The following ANKHD1 variants were observed in gnomAD, a reference collection of about 807,000 sequenced individuals.
The protein encoded by ANKHD1 is ankyrin repeat and KH domain containing 1.
ANKHD1 carries 31 observed loss-of-function variants against 230.5 expected under a neutral mutation model. The ratio of observed to expected loss-of-function variants is 0.13; its 90% confidence interval spans 0.10 to 0.18. The LOEUF is 0.18. ANKHD1 is among the 10% of genes least tolerant of loss of function. ANKHD1 has a pLI of 1.00. For synonymous variants in ANKHD1, 1,074 were observed against 1,117.6 expected, an observed-to-expected ratio of 0.96 and a Z score of 0.78; for missense variants, 2,256 against 3,071.3, an observed-to-expected ratio of 0.73 and a Z score of 6.27.
chr5:140,485,582 T>G lies in ANKHD1; in HGVS notation c.1999-7T>G. ...AAGAATTAATTATCATGGCAATTCT[T>G]TTTCAGGATGGTTCAACAATGCTCA... On this transcript the variant is annotated splice_region_variant and splice_polypyrimidine_tract_variant and intron_variant, in intron 12 of 33. Coordinates refer to ENST00000360839, the MANE Select transcript of ANKHD1 (RefSeq NM_017747.3). This position sits in a 1 kb window ranked among gnomAD's most constrained non-coding sequence, Gnocchi z 4.8. 2 of 1,611,376 alleles carry G rather than the reference T, an allele frequency of 1.2e-6. No homozygotes were observed. The highest frequency in any genetic ancestry group is 1.7e-6 in the Non-Finnish European group (2 of 1,179,300).
chr5:140,518,852 A>G (rs1240399788), intron 24 of ANKHD1, among the ~76,000 whole-genome samples: 1 of 152,230 alleles, frequency 6.6e-6, no homozygotes, highest in Non-Finnish European at 1.5e-5. Flanking sequence ...AAAAACTGGA[A>G]GCGTTCCCTT....
rs114542939 is a variant in ANKHD1, at chr5:140,481,499, A to G, written c.1783-1081A>G. On this transcript the variant is annotated intron_variant, in intron 10 of 33. Coordinates refer to ENST00000360839, the MANE Select transcript of ANKHD1 (RefSeq NM_017747.3). Reference sequence around the variant, plus strand: ...ACTGTCAAGATTTTTTTTTAAACCTATTTTAGGGAGGAATTCCTATCACTT... The same window carrying G: ...ACTGTCAAGATTTTTTTTTAAACCTGTTTTAGGGAGGAATTCCTATCACTT... Among the ~76,000 whole-genome samples the G allele has an allele frequency of 3.7e-3, 559 of 152,050 alleles. 7 individuals carry two copies. The highest frequency in any genetic ancestry group is 0.013 in the African/African-American group (545 of 41,522).
intron 24 of ANKHD1, among the ~76,000 whole-genome samples, chr5:140,515,343 G>A (rs983981179): frequency 6.6e-6 from 1 of 151,960 alleles, no homozygotes; most frequent in African/African-American, 2.4e-5. Flanking sequence ...TTTTAACATT[G>A]GTCTGTGAAG....
chr5:140,483,655 CCAT>C (rs915652360), intron 11 of ANKHD1, among the ~76,000 whole-genome samples: 19 of 152,040 alleles, frequency 1.2e-4, no homozygotes, highest in African/African-American at 3.4e-4. Context: ...CAGGGTTTTA[CCAT>C]GGTTTGCCAG....
intron 24 of ANKHD1, among the ~76,000 whole-genome samples, chr5:140,518,813 C>A (rs954419732): frequency 5.3e-5 from 8 of 152,214 alleles, no homozygotes; most frequent in South Asian, 2.1e-4. Context: ...TCTATGACAA[C>A]CCCACAGCCA....
chr5:140,411,243 T>G (rs1561678186), intron 1 of ANKHD1, among the ~76,000 whole-genome samples: 1 of 152,148 alleles, frequency 6.6e-6, no homozygotes, highest in Non-Finnish European at 1.5e-5. Context: ...AACTGGAAAC[T>G]TCATTTGGGA....
intron 15 of ANKHD1, among the ~76,000 whole-genome samples, chr5:140,503,531 T>G (rs1180288424): frequency 1.3e-5 from 2 of 149,918 alleles, no homozygotes; most frequent in African/African-American, 4.9e-5. Context: ...AATACATAAT[T>G]TCTTTTAACT....
At chr5:140,405,207 A>G (rs932852154) in intron 1 of ANKHD1, among the ~76,000 whole-genome samples, 1 of 152,114 alleles carries the variant, frequency 6.6e-6, no homozygotes, top group Non-Finnish European at 1.5e-5. Context: ...AAGGATTTAC[A>G]GGTTAAGAGT....
At chr5:140,509,977 T>A (rs1359780262) in intron 21 of ANKHD1, 42 bp from the exon 22 acceptor site, 1 of 1,560,466 alleles carries the variant, frequency 6.4e-7, no homozygotes, top group East Asian at 2.3e-5. Flanking sequence ...AAAGCCAGCC[T>A]CTTCTTACAG....
chr5:140,539,622 A>G lies in ANKHD1; in HGVS notation c.*204A>G. The G allele has an allele frequency of 1.8e-6, 1 of 541,988 alleles. No homozygotes were observed. Among genetic ancestry groups the G allele is most frequent in the East Asian group, 3.1e-5 (1 of 32,170 alleles). The allele number at this position is 541,988 out of a possible 1,614,324, so 33.6% of individuals were successfully genotyped here. A position where few individuals can be genotyped will look rare whatever the true frequency, so the allele number is the denominator to read the frequency against. On this transcript the variant is annotated 3_prime_UTR_variant, in exon 34 of 34. Coordinates refer to ENST00000360839, the MANE Select transcript of ANKHD1 (RefSeq NM_017747.3). Reference sequence around the variant, plus strand: ...GTTTAGCCATTTTGAACTTAAGATCATATGACCTTAGTGCTTTTGGCTAAA... The same window carrying G: ...GTTTAGCCATTTTGAACTTAAGATCGTATGACCTTAGTGCTTTTGGCTAAA...
At position 140,528,724 on chromosome 5, in the gene ANKHD1, T is replaced by C; in HGVS notation, c.5778T>C (p.Ala1926=). 1 of 1,614,230 alleles carries C rather than the reference T, an allele frequency of 6.2e-7. No individual in the cohort carries two copies. The highest frequency in any genetic ancestry group is 1.1e-5 in the South Asian group (1 of 91,088). Residue 1926 remains alanine, a synonymous_variant, in exon 29 of 34, where the codon GCT becomes GCC. Coordinates refer to ENST00000360839, the MANE Select transcript of ANKHD1 (RefSeq NM_017747.3). ...QNGTVLPSES[A]GLATASCPIT... ...GGACTGTTTTACCCTCAGAGTCTGC[T>C]GGACTAGCTACTGCCAGTTGTCCTA...
intron 9 of ANKHD1, among the ~76,000 whole-genome samples, chr5:140,462,724 C>CAAA (rs70988762): frequency 1.1e-5 from 1 of 89,028 alleles, no homozygotes; most frequent in Middle Eastern, 6.6e-3. Context: ...GACTCCATCT[C>CAAA]AAAAAAAAAA....
chr5:140,415,590 C>A (rs1019232731), intron 1 of ANKHD1, among the ~76,000 whole-genome samples: 2 of 150,860 alleles, frequency 1.3e-5, no homozygotes, highest in Admixed American at 1.3e-4. Context: ...AGGTGCACGC[C>A]ACCACGCCCA....
intron 1 of ANKHD1, 40 bp downstream of exon 1, chr5:140,402,313 C>G: frequency 7.0e-7 from 1 of 1,427,404 alleles, no homozygotes. Context: ...CATTGTGAGG[C>G]GTGAATTCTC....
chr5:140,442,621 A>C (rs1415026898), intron 5 of ANKHD1, among the ~76,000 whole-genome samples: 4 of 152,210 alleles, frequency 2.6e-5, no homozygotes, highest in African/African-American at 9.6e-5. Context: ...ACATAAAAGA[A>C]GACAGTTAAT....
intron 7 of ANKHD1, among the ~76,000 whole-genome samples, chr5:140,452,452 TA>T (rs1774825708): frequency 1.3e-5 from 2 of 152,138 alleles, no homozygotes; most frequent in Non-Finnish European, 2.9e-5. Context: ...CTGAGTAGCC[TA>T]ACTGGGAGGT....
At chr5:140,419,494 C>G (rs1339187922) in intron 1 of ANKHD1, among the ~76,000 whole-genome samples, 1 of 138,054 alleles carries the variant, frequency 7.2e-6, no homozygotes, top group East Asian at 2.1e-4. Context: ...TGGTCTCACT[C>G]TGTCACCCAG....
At chr5:140,499,803 A>C (rs934409505) in intron 15 of ANKHD1, among the ~76,000 whole-genome samples, 1 of 152,152 alleles carries the variant, frequency 6.6e-6, no homozygotes, top group African/African-American at 2.4e-5. Context: ...AATATAAAGT[A>C]ATTTAAAGAA....
Position 140,491,584 on chromosome 5 carries a change from A to G in ANKHD1, c.2245+4524A>G, listed in dbSNP as rs994721559. On this transcript the variant is annotated intron_variant, in intron 14 of 33. Coordinates refer to ENST00000360839, the MANE Select transcript of ANKHD1 (RefSeq NM_017747.3). Reference sequence around the variant, plus strand: ...ATCCACCTATCTCTAGATTGTTTCTACCTATAGCATAGTGCTTCACACCCT... The same window carrying G: ...ATCCACCTATCTCTAGATTGTTTCTGCCTATAGCATAGTGCTTCACACCCT... 3.3e-5 allele frequency among the ~76,000 whole-genome samples: 5 copies of G among 152,042 alleles called. No homozygotes were observed. The South Asian group carries it at 6.2e-4, about 19-fold the overall frequency.
Sources: allele counts gnomAD v4.1 joint callset (sites outside exome capture counted in the v4.1 genomes callset), GRCh38; gene constraint gnomAD v4.1.1; non-coding constraint Gnocchi (gnomAD v3.1); transcripts MANE v1.5; gene names NCBI Gene and HGNC (gene_info 2026-07-23, HGNC 2026-07-21).